Variants in NEK1 observed in about 807,000 individuals in gnomAD.
NEK1 encodes NIMA related kinase 1.
In NEK1, 137 loss-of-function variants were observed where a neutral mutation model predicts 182.1. The observed-to-expected ratio is 0.75, with a 90% confidence interval of 0.65 to 0.87. The LOEUF is 0.87. Ranked by LOEUF, NEK1 falls within the 40% of genes least tolerant of loss-of-function variation. The probability of loss-of-function intolerance (pLI) is 0.00; values close to 1 mark genes in which losing one functional copy is unlikely to be tolerated. For missense variants in NEK1, 1,391 were observed against 1,494.4 expected (o/e 0.93, Z 1.14); for synonymous variants, 513 against 492.2 (o/e 1.04, Z -0.56).
chr4:169,535,512 G>A (rs1043745623), intron 19 of NEK1, among the ~76,000 whole-genome samples: 6 of 151,918 alleles, frequency 3.9e-5, no homozygotes, highest in Admixed American at 2.0e-4. Flanking sequence ...GGTTAGTAGT[G>A]TACAAACTGG....
In NEK1 at chr4:169,602,109, A is replaced by C. The variant is rs773427421; in HGVS notation, c.118-5T>G. Reference sequence around the variant, plus strand: ...TTCTCTTTCTTTACTGGACATCTTAAATGGGAGGAAAAAGAAAATAGTAAA... The same window carrying C: ...TTCTCTTTCTTTACTGGACATCTTACATGGGAGGAAAAAGAAAATAGTAAA... On this transcript the variant is annotated splice_region_variant and splice_polypyrimidine_tract_variant and intron_variant, in intron 3 of 35. Transcript: ENST00000507142. 6.3e-7 allele frequency: 1 copy of C among 1,598,414 alleles called. No individual in the cohort carries two copies. Among genetic ancestry groups the C allele is most frequent in the East Asian group, 2.2e-5 (1 of 44,734 alleles).
chr4:169,463,279 G>C lies in NEK1; in HGVS notation c.2551C>G (p.Gln851Glu). 1 of 1,593,380 alleles carries C rather than the reference G, an allele frequency of 6.3e-7. No homozygotes were observed. The highest frequency in any genetic ancestry group is 8.5e-7 in the Non-Finnish European group (1 of 1,169,636). The change falls in exon 27 of 36, where the codon CAG becomes GAG. Residue 851 changes from glutamine to glutamate, a missense_variant. This residue lies in a region of NEK1 where 1,216 missense variants were observed against 1,277.6 expected (regional missense o/e 0.95). Transcript: ENST00000507142. ...KILGEAELQL[Q>E]TELLENTTIR... is the part of the protein sequence containing the mutation. ...GTTGTATTTTCTAATAGTTCTGTCTGAAGTTGTAGTTCAGCTTCTCCAAGT... is the reference window on the plus strand; with the variant it reads ...GTTGTATTTTCTAATAGTTCTGTCTCAAGTTGTAGTTCAGCTTCTCCAAGT...
At chr4:169,556,488 A>C (rs947406681) in intron 16 of NEK1, among the ~76,000 whole-genome samples, 2 of 152,142 alleles carry the variant, frequency 1.3e-5, no homozygotes, top group African/African-American at 2.4e-5. Context: ...AATTATATTT[A>C]ACAAAAACAT....
chr4:169,548,186 TTC>T (rs1760839686), intron 18 of NEK1, among the ~76,000 whole-genome samples: 1 of 152,234 alleles, frequency 6.6e-6, no homozygotes, highest in Non-Finnish European at 1.5e-5. Flanking sequence ...TACTATTCCT[TTC>T]TGTTTGTTAG....
Position 169,527,845 on chromosome 4 carries a change from T to C in NEK1, c.1665+9964A>G, listed in dbSNP as rs566446547. On this transcript the variant is annotated intron_variant, in intron 19 of 35. Transcript: ENST00000507142. ...TTACATTAAACGTCTTTAAGTATAA[T>C]AATGAATTACTTAAACACACCAATG... 2.7e-4 allele frequency among the ~76,000 whole-genome samples: 41 copies of C among 152,220 alleles called. No homozygotes were observed. The South Asian group carries it at 8.3e-3, about 31-fold the overall frequency.
chr4:169,506,932 A>G (rs1299821878), intron 23 of NEK1, 105 bp downstream of exon 23: 4 of 607,920 alleles, frequency 6.6e-6, no homozygotes, highest in Non-Finnish European at 1.0e-5. Flanking sequence ...GAATGAAAAA[A>G]CAGAAAAAAA....
At chr4:169,423,701 AT>A (rs1735875074) in intron 31 of NEK1, among the ~76,000 whole-genome samples, 1 of 152,198 alleles carries the variant, frequency 6.6e-6, no homozygotes, top group East Asian at 1.9e-4. Flanking sequence ...ATAGAAATTT[AT>A]TTTAGGGAAA....
At chr4:169,498,825 G>A (rs1462064147) in intron 23 of NEK1, among the ~76,000 whole-genome samples, 1 of 152,136 alleles carries the variant, frequency 6.6e-6, no homozygotes, top group African/African-American at 2.4e-5. Context: ...TTTCTCTCTG[G>A]CTGCCCTTAA....
intron 27 of NEK1, among the ~76,000 whole-genome samples, chr4:169,458,672 A>G (rs1255420935): frequency 1.3e-5 from 2 of 151,994 alleles, no homozygotes; most frequent in Non-Finnish European, 2.9e-5. Context: ...TACTAAAAAT[A>G]CAAAAATTAG....
intron 19 of NEK1, among the ~76,000 whole-genome samples, chr4:169,511,570 C>A (rs1011847741): frequency 1.3e-5 from 2 of 152,130 alleles, no homozygotes; most frequent in Admixed American, 1.3e-4. Flanking sequence ...TGTGCCCCTT[C>A]ACCCAGCCTT....
At chr4:169,498,399 T>C (rs1380146935) in intron 23 of NEK1, among the ~76,000 whole-genome samples, 1 of 152,216 alleles carries the variant, frequency 6.6e-6, no homozygotes, top group East Asian at 1.9e-4. Flanking sequence ...ATTTAGCCCA[T>C]TTACATTTAA....
chr4:169,574,338 G>A (rs955274792), intron 12 of NEK1, among the ~76,000 whole-genome samples: 4 of 152,184 alleles, frequency 2.6e-5, no homozygotes, highest in African/African-American at 7.2e-5. Flanking sequence ...GCTCATGCCC[G>A]TAATCCCAGC....
At chr4:169,530,100 T>C (rs1198699244) in intron 19 of NEK1, among the ~76,000 whole-genome samples, 5 of 152,194 alleles carry the variant, frequency 3.3e-5, no homozygotes, top group Non-Finnish European at 2.9e-5. Context: ...TACCAAAAAT[T>C]GGAAACATCT....
At chr4:169,477,057 G>T (rs1207921557) in intron 26 of NEK1, 67 bp downstream of exon 26, 2 of 1,005,066 alleles carry the variant, frequency 2.0e-6, no homozygotes, top group Non-Finnish European at 2.8e-6. Context: ...TTTTTTCAGA[G>T]TGGTTAGTCT....
chr4:169,419,644 A>G (rs1336163624), intron 31 of NEK1, among the ~76,000 whole-genome samples: 1 of 152,210 alleles, frequency 6.6e-6, no homozygotes, highest in East Asian at 1.9e-4. Flanking sequence ...TGCTTAACAA[A>G]GATACGTTAC....
chr4:169,471,570 G>T (rs1002743107), intron 26 of NEK1, among the ~76,000 whole-genome samples: 1 of 152,126 alleles, frequency 6.6e-6, no homozygotes, highest in African/African-American at 2.4e-5. Context: ...GTCCCCTGCT[G>T]GGAGGTGTCT....
chr4:169,452,210 T>G (rs1741938275), intron 27 of NEK1, among the ~76,000 whole-genome samples: 1 of 152,186 alleles, frequency 6.6e-6, no homozygotes, highest in South Asian at 2.1e-4. Context: ...CAGGACCAGA[T>G]GGATTCACAG....
chr4:169,549,000 A>G (rs1458317307), intron 18 of NEK1, among the ~76,000 whole-genome samples: 2 of 152,132 alleles, frequency 1.3e-5, no homozygotes, highest in South Asian at 2.1e-4. Context: ...CTGGTGTTCC[A>G]GGTGCCACTA....
intron 27 of NEK1, among the ~76,000 whole-genome samples, chr4:169,452,173 T>C (rs1741928275): frequency 6.6e-6 from 1 of 152,202 alleles, no homozygotes; most frequent in African/African-American, 2.4e-5. Flanking sequence ...GAGGCAATAA[T>C]TAATAGCTTA....
Sources: gnomAD v4.1 joint callset for allele counts (sites outside exome capture counted in the v4.1 genomes callset) on GRCh38, gnomAD v4.1.1 for gene constraint, gnomAD v4.1.1 regional missense constraint, MANE v1.5 for transcripts, NCBI Gene and HGNC (gene_info 2026-07-23, HGNC 2026-07-21) for gene names.